YAP1: variants seen among roughly 807,000 people sequenced by gnomAD.
YAP1 encodes the protein transcriptional coactivator YAP1.
YAP1 carries 5 observed loss-of-function variants against 56.9 expected under a neutral mutation model. The ratio of observed to expected loss-of-function variants is 0.09; its 90% CI spans 0.05 to 0.18. The LOEUF is 0.18. Among genes scored for constraint, YAP1 ranks in the 10% least tolerant of loss-of-function variants. The probability of loss-of-function intolerance (pLI) is 1.00; values close to 1 mark genes in which losing one functional copy is unlikely to be tolerated. For synonymous variants in YAP1, 265 were observed against 248.1 expected (o/e 1.07, Z -0.64); for missense variants, 539 against 651.8 (o/e 0.83, Z 1.88).
At chr11:102,116,737 G>A (rs1050970422) in intron 2 of YAP1, among the ~76,000 whole-genome samples, 21 of 152,106 alleles carry the variant, frequency 1.4e-4, no homozygotes, top group Non-Finnish European at 2.9e-4. Flanking sequence ...CTTTTATGTG[G>A]GAGTAGGATT....
intron 2 of YAP1, among the ~76,000 whole-genome samples, chr11:102,137,046 T>C (rs1458710217): frequency 6.6e-6 from 1 of 152,292 alleles, no homozygotes; most frequent in East Asian, 1.9e-4. Context: ...TAGAAAAATT[T>C]GGAGAATTGG....
chr11:102,163,169 A>G (rs2135404774), intron 3 of YAP1, among the ~76,000 whole-genome samples: 1 of 152,264 alleles, frequency 6.6e-6, no homozygotes, highest in South Asian at 2.1e-4. Context: ...ACCTGAGTAT[A>G]AATCTTTTTC....
In YAP1 at chr11:102,230,136, G is replaced by C. The variant is rs1428153045; in HGVS notation, c.*196G>C. 9.5e-6 allele frequency: 5 copies of C among 526,150 alleles called. No homozygotes were observed. Among genetic ancestry groups the C allele is most frequent in the African/African-American group, 7.6e-5 (4 of 52,494 alleles). 32.6% of individuals were successfully genotyped at this position (526,150 alleles called of 1,614,324 possible). A position where few individuals can be genotyped will look rare whatever the true frequency, so the allele number is the denominator to read the frequency against. On this transcript the variant is annotated 3_prime_UTR_variant, in exon 9 of 9. Coordinates refer to ENST00000282441, the MANE Select transcript of YAP1 (RefSeq NM_001130145.3). ...TAATGTATTGCTGACCTCTTTCACA[G>C]TTGGCTCTAAAGAATCAAAAGAAAA...
At chr11:102,204,291 T>G (rs1246649109) in intron 4 of YAP1, among the ~76,000 whole-genome samples, 2 of 152,074 alleles carry the variant, frequency 1.3e-5, no homozygotes, top group Non-Finnish European at 2.9e-5. Context: ...TCTGTTGTCT[T>G]AAATAGTTTC....
At chr11:102,226,329 GGA>G (rs1335054013) in intron 7 of YAP1, among the ~76,000 whole-genome samples, 2 of 152,202 alleles carry the variant, frequency 1.3e-5, no homozygotes, top group Admixed American at 6.5e-5. Context: ...TAGAATGAGG[GGA>G]GAGAGAGAAC....
intron 2 of YAP1, among the ~76,000 whole-genome samples, chr11:102,151,995 G>T (rs566189569): frequency 6.6e-6 from 1 of 152,212 alleles, no homozygotes; most frequent in African/African-American, 2.4e-5. Flanking sequence ...GAACACAGCT[G>T]TGTGTCCAGG....
intron 2 of YAP1, among the ~76,000 whole-genome samples, chr11:102,162,033 CG>C (rs1195295611): frequency 6.6e-6 from 1 of 151,998 alleles, no homozygotes; most frequent in Non-Finnish European, 1.5e-5. Flanking sequence ...CTTAAAAAGG[CG>C]TTTTAGGCCT....
At chr11:102,214,208 C>A (rs1949555801) in intron 6 of YAP1, among the ~76,000 whole-genome samples, 1 of 152,192 alleles carries the variant, frequency 6.6e-6, no homozygotes, top group African/African-American at 2.4e-5. Context: ...GGGTTACTTT[C>A]ATTTCTGGGC....
chr11:102,136,044 C>T (rs1565444528), intron 2 of YAP1, among the ~76,000 whole-genome samples: 1 of 152,136 alleles, frequency 6.6e-6, no homozygotes, highest in Non-Finnish European at 1.5e-5. Flanking sequence ...TGTGTACATA[C>T]ATAAGAACTT....
intron 7 of YAP1, among the ~76,000 whole-genome samples, chr11:102,224,188 T>A (rs999636117): frequency 6.6e-6 from 1 of 152,222 alleles, no homozygotes; most frequent in Non-Finnish European, 1.5e-5. Flanking sequence ...TAAGGCCTCA[T>A]GTTCTTAAGG....
chr11:102,172,568 C>T (rs1385182013), intron 3 of YAP1, among the ~76,000 whole-genome samples: 1 of 149,302 alleles, frequency 6.7e-6, no homozygotes, highest in Admixed American at 6.8e-5. Context: ...CTGGGGATTA[C>T]ATGTGTGAGC....
chr11:102,162,035 T>TAAA (rs1946319039), intron 2 of YAP1, among the ~76,000 whole-genome samples: 1 of 152,136 alleles, frequency 6.6e-6, no homozygotes, highest in Non-Finnish European at 1.5e-5. Context: ...TAAAAAGGCG[T>TAAA]TTTAGGCCTA....
chr11:102,144,678 T>A (rs1239133551), intron 2 of YAP1, among the ~76,000 whole-genome samples: 1 of 152,214 alleles, frequency 6.6e-6, no homozygotes, highest in African/African-American at 2.4e-5. Context: ...GAATTTTTTC[T>A]GTATTTTTAG....
At chr11:102,139,181 A>T (rs1565448159) in intron 2 of YAP1, among the ~76,000 whole-genome samples, 1 of 152,092 alleles carries the variant, frequency 6.6e-6, no homozygotes, top group Non-Finnish European at 1.5e-5. Flanking sequence ...CATACTCCCA[A>T]AATGAGTAAC....
At chr11:102,112,815 C>A in intron 1 of YAP1, 21 of 965,472 alleles carry the variant, frequency 2.2e-5, no homozygotes, top group Non-Finnish European at 2.6e-5. Flanking sequence ...TGTTGGCATG[C>A]ACCCTACAGA....
chr11:102,175,918 T>C (rs944678497), intron 3 of YAP1, among the ~76,000 whole-genome samples: 52 of 152,364 alleles, frequency 3.4e-4, no homozygotes, highest in Middle Eastern at 3.4e-3. Flanking sequence ...AGCAAATTTG[T>C]ATATAACTAT....
At chr11:102,184,076 CAAAA>C (rs1226783169) in intron 3 of YAP1, among the ~76,000 whole-genome samples, 5 of 47,182 alleles carry the variant, frequency 1.1e-4, no homozygotes, top group African/African-American at 1.5e-4. Context: ...GACTCCGTCT[CAAAA>C]AAAAAAAAAA....
chr11:102,185,992 T>A, intron 3 of YAP1, 26 bp from the exon 4 acceptor site: 2 of 405,460 alleles, frequency 4.9e-6, no homozygotes, highest in South Asian at 4.0e-5. Context: ...AAAACCATGA[T>A]TTTTTTTTTT....
chr11:102,187,072 C>T (rs1157426733), intron 4 of YAP1, among the ~76,000 whole-genome samples: 3 of 151,884 alleles, frequency 2.0e-5, no homozygotes, highest in Non-Finnish European at 2.9e-5. Flanking sequence ...GGGGCCCTCA[C>T]GGGAAAGAGG....
Sources: gnomAD v4.1 joint callset for allele counts (sites outside exome capture counted in the v4.1 genomes callset) on GRCh38, gnomAD v4.1.1 for gene constraint, MANE v1.5 for transcripts, NCBI Gene and HGNC (gene_info 2026-07-23, HGNC 2026-07-21) for gene names.